Variants in SGMS2 observed in about 807,000 individuals in gnomAD.
The protein encoded by SGMS2 is sphingomyelin synthase 2, also known as phosphatidylcholine:ceramide cholinephosphotransferase 2.
A neutral mutation model predicts 43.8 loss-of-function variants in SGMS2; 21 were observed. The observed-to-expected ratio is 0.48, with a 90% CI of 0.34 to 0.69. The LOEUF is 0.69. SGMS2 is among the 30% of genes least tolerant of loss of function. SGMS2 has a pLI of 0.01. For missense variants in SGMS2, 384 were observed against 443.2 expected (o/e 0.87, Z 1.20); for synonymous variants, 167 against 160.6 (o/e 1.04, Z -0.30).
intron 3 of SGMS2, among the ~76,000 whole-genome samples, chr4:107,898,570 G>T (rs1730865746): frequency 1.3e-5 from 2 of 152,146 alleles, no homozygotes; most frequent in African/African-American, 4.8e-5. Context: ...AAGTCTAGGG[G>T]CTTTATGTGG....
At chr4:107,847,015 C>T (rs1726867864) in intron 1 of SGMS2, among the ~76,000 whole-genome samples, 1 of 151,936 alleles carries the variant, frequency 6.6e-6, no homozygotes, top group Non-Finnish European at 1.5e-5. Context: ...GGATATTAGC[C>T]CTTTGTCAGA....
chr4:107,898,375 T>C (rs1730846671), intron 3 of SGMS2, among the ~76,000 whole-genome samples: 1 of 152,128 alleles, frequency 6.6e-6, no homozygotes, highest in South Asian at 2.1e-4. Context: ...CCAAATGTTA[T>C]CTGAATTAGA....
rs759222351 is a variant in SGMS2 at position 107,908,568 on chromosome 4, C to T, written c.731C>T (p.Ser244Leu). The change falls in exon 6 of 7, where the codon TCG becomes TTG. Residue 244 changes from serine to leucine, a missense_variant. By Grantham distance (145) the Ser-to-Leu change is moderately radical. Transcript: ENST00000690982. ...TLTYLFIKEY[S>L]PRHFWWYHLI... ...CTGTAATTTTTCTACTGTCCAGATT[C>T]GCCTCGTCACTTCTGGTGGTATCAT... The T allele has an allele frequency of 5.0e-6, 8 of 1,612,086 alleles. No individual in the cohort carries two copies. Among genetic ancestry groups the T allele is most frequent in the Non-Finnish European group, 5.1e-6 (6 of 1,179,126 alleles).
chr4:107,899,550 T>A (rs1297037446), intron 3 of SGMS2, 25 bp from the exon 4 acceptor site: 1 of 1,552,806 alleles, frequency 6.4e-7, no homozygotes, highest in African/African-American at 1.4e-5. Flanking sequence ...AACTTGTTTT[T>A]CCCCATCCCT....
At chr4:107,847,098 G>T (rs373605915) in intron 1 of SGMS2, among the ~76,000 whole-genome samples, 18 of 151,652 alleles carry the variant, frequency 1.2e-4, no homozygotes, top group African/African-American at 4.1e-4. Flanking sequence ...CTTTTGCTGT[G>T]CAGAAGCTCT....
At chr4:107,857,428 G>T (rs953222110) in intron 1 of SGMS2, among the ~76,000 whole-genome samples, 2 of 151,786 alleles carry the variant, frequency 1.3e-5, no homozygotes, top group African/African-American at 2.4e-5. Context: ...GAGTATTTTT[G>T]ATTAAGATGG....
intron 2 of SGMS2, chr4:107,867,978 C>T (rs941263954): frequency 5.3e-5 from 8 of 152,056 alleles, no homozygotes; most frequent in Middle Eastern, 3.4e-3. Flanking sequence ...GAAAATATTC[C>T]AATCTAGTGT....
chr4:107,903,831 T>C (rs1394918367), intron 5 of SGMS2, among the ~76,000 whole-genome samples: 2 of 152,236 alleles, frequency 1.3e-5, no homozygotes, highest in Non-Finnish European at 1.5e-5. Context: ...TCGGTTAATG[T>C]GTTCCCCTTT....
At chr4:107,860,960 C>T (rs1221929745) in intron 2 of SGMS2, among the ~76,000 whole-genome samples, 1 of 152,176 alleles carries the variant, frequency 6.6e-6, no homozygotes, top group East Asian at 1.9e-4. Flanking sequence ...TTATAGCATC[C>T]TGAACTTTCA....
At chr4:107,842,674 C>T (rs1014348417) in intron 1 of SGMS2, among the ~76,000 whole-genome samples, 6 of 152,130 alleles carry the variant, frequency 3.9e-5, no homozygotes, top group African/African-American at 1.2e-4. Context: ...CCATGAGTGC[C>T]TCAAAGAATT....
At chr4:107,847,430 GC>G (rs1726893798) in intron 1 of SGMS2, among the ~76,000 whole-genome samples, 1 of 151,862 alleles carries the variant, frequency 6.6e-6, no homozygotes, top group African/African-American at 2.4e-5. Flanking sequence ...TTGTAGATAT[GC>G]GGCGTTATTT....
Position 107,895,944 on chromosome 4 carries a change from T to C in SGMS2, c.391T>C (p.Ser131Pro). Reference protein sequence around the residue: ...IDRVKWAFSVSEINGIILVGL... With the variant: ...IDRVKWAFSVPEINGIILVGL... The stretch of plus-strand genomic sequence containing the variant: ...TAGGGTGAAATGGGCATTTTCTGTA[T>C]CAGAAATAAATGGGATTATATTAGT... Residue 131 changes from serine to proline, a missense_variant, in exon 3 of 7, where the codon TCA becomes CCA. Ser to Pro is a moderately conservative substitution (Grantham distance 74). Coordinates refer to ENST00000690982, the MANE Select transcript of SGMS2 (RefSeq NM_001375905.1). The C allele has an allele frequency of 6.2e-7, 1 of 1,613,952 alleles. No homozygotes were observed. The highest frequency in any genetic ancestry group is 8.5e-7 in the Non-Finnish European group (1 of 1,179,908).
At chr4:107,827,466 C>G (rs1016375938) in intron 1 of SGMS2, among the ~76,000 whole-genome samples, 6 of 152,028 alleles carry the variant, frequency 3.9e-5, no homozygotes, top group Non-Finnish European at 8.8e-5. Context: ...GTGATTAGGC[C>G]GTCATAGGCT....
chr4:107,829,516 A>G (rs940115270), intron 1 of SGMS2, among the ~76,000 whole-genome samples: 3 of 152,228 alleles, frequency 2.0e-5, no homozygotes, highest in Admixed American at 1.3e-4. Context: ...AGCTAATAGA[A>G]TTAAAGTCAA....
chr4:107,837,111 C>CT (rs1007148090), intron 1 of SGMS2, among the ~76,000 whole-genome samples: 7 of 152,024 alleles, frequency 4.6e-5, no homozygotes, highest in South Asian at 4.1e-4. Flanking sequence ...GTATTTAACA[C>CT]TTTTTTTTGC....
intron 1 of SGMS2, among the ~76,000 whole-genome samples, chr4:107,836,753 T>C (rs1185294435): frequency 6.6e-6 from 1 of 152,134 alleles, no homozygotes; most frequent in Admixed American, 6.6e-5. Context: ...CACTGTAAAA[T>C]CTAGATCAGA....
intron 3 of SGMS2, among the ~76,000 whole-genome samples, chr4:107,897,106 C>A (rs1730735473): frequency 6.6e-6 from 1 of 152,170 alleles, no homozygotes; most frequent in East Asian, 1.9e-4. Flanking sequence ...TTATAGAACT[C>A]TCAATGTGGT....
chr4:107,826,580 G>A (rs1725604247), intron 1 of SGMS2, among the ~76,000 whole-genome samples: 1 of 151,910 alleles, frequency 6.6e-6, no homozygotes, highest in Non-Finnish European at 1.5e-5. Context: ...AGTGCAAGCA[G>A]TGCAAAATTT....
chr4:107,911,368 G>A lies in SGMS2; in HGVS notation c.*815G>A, dbSNP rs1471879896. ...TGTCTGCCCTGTAAATTTGGATCTGGTGCCCCAGGGCAGTCAACTCTTCTA... is the reference window on the plus strand; with the variant it reads ...TGTCTGCCCTGTAAATTTGGATCTGATGCCCCAGGGCAGTCAACTCTTCTA... On this transcript the variant is annotated 3_prime_UTR_variant, in exon 7 of 7. Transcript: ENST00000690982. The A allele has an allele frequency of 1.3e-5, 2 of 152,156 alleles. No homozygotes were observed. The highest frequency in any genetic ancestry group is 2.9e-5 in the Non-Finnish European group (2 of 68,034). The allele number at this position is 152,156 out of a possible 1,614,324, so 9.4% of individuals were successfully genotyped here.
Sources: allele counts gnomAD v4.1 joint callset (sites outside exome capture counted in the v4.1 genomes callset), GRCh38; gene constraint gnomAD v4.1.1; transcripts MANE v1.5; gene names NCBI Gene and HGNC (gene_info 2026-07-23, HGNC 2026-07-21).